CSMD1: variants seen among roughly 807,000 people sequenced by gnomAD.
CSMD1 encodes the protein CUB and sushi domain-containing protein 1.
A neutral mutation model predicts 417.5 loss-of-function variants in CSMD1; 213 were observed. That is an observed-to-expected ratio of 0.51 (90% CI 0.46 to 0.57). CSMD1 has a LOEUF of 0.57. Among genes scored for constraint, CSMD1 ranks in the 20% least tolerant of loss-of-function variants. The probability of loss-of-function intolerance (pLI) is 0.00; values close to 1 mark genes in which losing one functional copy is unlikely to be tolerated. For missense variants in CSMD1, 6,923 were observed against 4,529.7 expected (o/e 1.53, Z -15.17); for synonymous variants, 2,862 against 1,736.8 (o/e 1.65, Z -16.11).
intron 8 of CSMD1, among the ~76,000 whole-genome samples, chr8:3,599,517 T>C (rs1417464353): frequency 6.6e-6 from 1 of 151,872 alleles, no homozygotes; most frequent in Non-Finnish European, 1.5e-5. Flanking sequence ...AACACAGCAT[T>C]AGTAACCCCA....
At chr8:3,679,538 G>C (rs905666694) in intron 7 of CSMD1, among the ~76,000 whole-genome samples, 14 of 152,142 alleles carry the variant, frequency 9.2e-5, no homozygotes, top group Non-Finnish European at 1.9e-4. Context: ...CATAAAGCAA[G>C]TCCTTAGAGA....
At chr8:3,283,327 G>A (rs1802881349) in intron 26 of CSMD1, among the ~76,000 whole-genome samples, 1 of 152,082 alleles carries the variant, frequency 6.6e-6, no homozygotes, top group Admixed American at 6.6e-5. Flanking sequence ...CTGGAATCGG[G>A]GCTGGGTTAG....
intron 1 of CSMD1, among the ~76,000 whole-genome samples, chr8:4,815,972 G>C (rs1199881261): frequency 6.6e-6 from 1 of 152,068 alleles, no homozygotes; most frequent in African/African-American, 2.4e-5. Context: ...GGAAAAATGA[G>C]AAAGGCATTC....
intron 50 of CSMD1, among the ~76,000 whole-genome samples, chr8:3,032,669 A>C (rs918735791): frequency 6.6e-6 from 1 of 151,918 alleles, no homozygotes. Flanking sequence ...GAAGCCTGAA[A>C]ACAGTGTCTT....
chr8:4,961,812 A>C (rs183314704), intron 1 of CSMD1, among the ~76,000 whole-genome samples: 74 of 152,170 alleles, frequency 4.9e-4, no homozygotes, highest in Non-Finnish European at 5.6e-4. Context: ...AAATACTGCT[A>C]ATCTACTTTC....
intron 12 of CSMD1, among the ~76,000 whole-genome samples, chr8:3,454,144 T>A (rs7010325): frequency 1.3e-5 from 2 of 152,158 alleles, no homozygotes; most frequent in African/African-American, 4.8e-5. Context: ...CCCCTGCCTT[T>A]TTTTGTTTTC....
At chr8:3,738,175 T>C (rs1266281612) in intron 6 of CSMD1, among the ~76,000 whole-genome samples, 2 of 152,226 alleles carry the variant, frequency 1.3e-5, no homozygotes, top group Non-Finnish European at 2.9e-5. Flanking sequence ...TGCCCTTTGA[T>C]CTATACATTT....
intron 5 of CSMD1, among the ~76,000 whole-genome samples, chr8:3,850,536 G>C (rs1803827271): frequency 4.0e-5 from 6 of 151,708 alleles, no homozygotes; most frequent in Non-Finnish European, 1.5e-5. Flanking sequence ...CTCTATTATG[G>C]ATACAAAAAT....
chr8:4,791,689 G>A (rs972169938), intron 1 of CSMD1, among the ~76,000 whole-genome samples: 2 of 152,154 alleles, frequency 1.3e-5, no homozygotes, highest in Non-Finnish European at 2.9e-5. Context: ...AGAGAGGCCA[G>A]GATCTGGTAC....
chr8:4,201,446 G>A (rs1379752336), intron 3 of CSMD1, among the ~76,000 whole-genome samples: 2 of 149,456 alleles, frequency 1.3e-5, no homozygotes, highest in Non-Finnish European at 3.0e-5. Flanking sequence ...GCTGAGGCAG[G>A]AGAATGGCAT....
At chr8:4,976,099 G>A (rs566003883) in intron 1 of CSMD1, among the ~76,000 whole-genome samples, 187 of 152,222 alleles carry the variant, frequency 1.2e-3, no homozygotes, top group African/African-American at 4.4e-3. Context: ...ACCTATTACT[G>A]GGATAAACAT....
chr8:4,253,383 A>C (rs906342917), intron 3 of CSMD1, among the ~76,000 whole-genome samples: 1 of 151,484 alleles, frequency 6.6e-6, no homozygotes, highest in African/African-American at 2.4e-5. Context: ...CATTTTTTTC[A>C]TTGAGTCCAT....
At chr8:3,659,199 C>G (rs1410000020) in intron 7 of CSMD1, among the ~76,000 whole-genome samples, 1 of 152,154 alleles carries the variant, frequency 6.6e-6, no homozygotes, top group Non-Finnish European at 1.5e-5. Context: ...TATTCTACGG[C>G]AAGGCAAGGG....
chr8:3,096,608 T>A (rs947128747), intron 47 of CSMD1, among the ~76,000 whole-genome samples: 2 of 152,128 alleles, frequency 1.3e-5, no homozygotes, highest in African/African-American at 2.4e-5. Context: ...TAGTCTTGGG[T>A]CTGTCTTTAT....
intron 10 of CSMD1, among the ~76,000 whole-genome samples, chr8:3,529,634 T>C (rs1173676303): frequency 1.3e-5 from 2 of 152,238 alleles, no homozygotes; most frequent in South Asian, 2.1e-4. Context: ...GTCAAAAGTA[T>C]AGTGTTTGCT....
chr8:3,533,056 G>A (rs910729477), intron 10 of CSMD1, among the ~76,000 whole-genome samples: 1 of 152,136 alleles, frequency 6.6e-6, no homozygotes, highest in African/African-American at 2.4e-5. Flanking sequence ...AATACTTTGA[G>A]ATAAACAGCT....
intron 1 of CSMD1, among the ~76,000 whole-genome samples, chr8:4,848,680 C>A (rs899496438): frequency 2.0e-5 from 3 of 152,004 alleles, no homozygotes; most frequent in African/African-American, 4.8e-5. Flanking sequence ...GCTGGGATTA[C>A]AGGCACCCAC....
chr8:4,914,361 G>C (rs902236629), intron 1 of CSMD1, among the ~76,000 whole-genome samples: 1 of 152,200 alleles, frequency 6.6e-6, no homozygotes, highest in East Asian at 1.9e-4. Flanking sequence ...CAGATCACGA[G>C]GTCAGGAGAT....
chr8:4,300,428 A>C (rs1797918651), intron 3 of CSMD1, among the ~76,000 whole-genome samples: 1 of 152,250 alleles, frequency 6.6e-6, no homozygotes, highest in Non-Finnish European at 1.5e-5. Flanking sequence ...GATGCCAGGC[A>C]TTCAGTCCAT....
Sources: allele counts gnomAD v4.1 joint callset (sites outside exome capture counted in the v4.1 genomes callset), GRCh38; gene constraint gnomAD v4.1.1; transcripts MANE v1.5; gene names NCBI Gene and HGNC (gene_info 2026-07-23, HGNC 2026-07-21).